NR1H3: variants seen among roughly 807,000 people sequenced by gnomAD.
NR1H3 encodes oxysterols receptor LXR-alpha.
In NR1H3, 19 loss-of-function variants were observed where a neutral mutation model predicts 48.1. The ratio of observed to expected loss-of-function variants is 0.40; its 90% CI spans 0.28 to 0.58. The LOEUF is 0.58. Ranked by LOEUF, NR1H3 falls within the 20% of genes least tolerant of loss-of-function variation. The pLI is 0.50. For synonymous variants in NR1H3, 232 were observed against 227.3 expected (o/e 1.02, Z -0.19); for missense variants, 486 against 595.9 (o/e 0.82, Z 1.92).
intron 8 of NR1H3, 70 bp downstream of exon 8, chr11:47,268,096 C>T (rs1373092700): frequency 1.0e-5 from 7 of 668,942 alleles, no homozygotes; most frequent in Non-Finnish European, 1.0e-5. Context: ...CCACAGGAAT[C>T]GGTGGGGGGA....
intron 3 of NR1H3, among the ~76,000 whole-genome samples, 159 bp downstream of exon 3, chr11:47,260,138 C>G (rs996941383): frequency 6.6e-6 from 1 of 152,206 alleles, no homozygotes; most frequent in Non-Finnish European, 1.5e-5. Context: ...TGAATTTTGT[C>G]TCTAGGCCTT....
rs756564632 is a variant in NR1H3, at chr11:47,261,832, G to C, written c.889-87G>C. ...AGAGCCAAATCTGCTGGGAAGCAGG[G>C]ATGAGGAGAATCGGCCTCCCTGGAA... On this transcript the variant is annotated intron_variant, in intron 6 of 9. Coordinates refer to ENST00000441012, the MANE Select transcript of NR1H3 (RefSeq NM_005693.4). 5.6e-6 allele frequency: 9 copies of C among 1,597,242 alleles called. No homozygotes were observed. The South Asian group carries it at 9.9e-5, about 18-fold the overall frequency.
chr11:47,264,666 T>C (rs563113846), intron 7 of NR1H3, among the ~76,000 whole-genome samples: 1 of 152,334 alleles, frequency 6.6e-6, no homozygotes, highest in African/African-American at 2.4e-5. Flanking sequence ...TGTAGACTCA[T>C]GCTATCTGAA....
upstream of NR1H3, among the ~76,000 whole-genome samples, chr11:47,255,595 T>TTCTTTCTTTCTCTC (rs1565178673): frequency 1.3e-4 from 8 of 61,396 alleles, no homozygotes; most frequent in African/African-American, 4.6e-4. Context: ...CTTTCTTTCT[T>TTCTTTCTTTCTCTC]TCTCTCTCTC....
At chr11:47,252,465 G>A (rs1045605519) in intron 1 of NR1H3, among the ~76,000 whole-genome samples, 1 of 151,606 alleles carries the variant, frequency 6.6e-6, no homozygotes, top group African/African-American at 2.4e-5. Flanking sequence ...CTCCATGTTG[G>A]TCAGGCTGGT....
In NR1H3 at chr11:47,261,578, G is replaced by A. The variant is rs772837732; in HGVS notation, c.740G>A (p.Arg247Gln). 20 of 1,614,202 alleles carry A rather than the reference G, an allele frequency of 1.2e-5. No homozygotes were observed. Among genetic ancestry groups the A allele is most frequent in the African/African-American group, 2.7e-5 (2 of 75,050 alleles). The change falls in exon 6 of 10, where the codon CGG becomes CAG. Residue 247 changes from arginine (R) to glutamine (Q), a missense_variant. Physicochemically the swap from Arg to Gln is conservative, Grantham distance 43 (BLOSUM62 1). Transcript: ENST00000441012. ...CCCATGGCACCAGATCCCCATAGCCGGGAGGCCCGTCAGCAGCGCTTTGCC... is the reference window on the plus strand; with the variant it reads ...CCCATGGCACCAGATCCCCATAGCCAGGAGGCCCGTCAGCAGCGCTTTGCC... ...PWPMAPDPHS[R>Q]EARQQRFAHF... is the part of the protein sequence containing the mutation.
In NR1H3 at chr11:47,249,009, C is replaced by T. The variant is rs920094063; in HGVS notation, c.-93+10C>T. On this transcript the variant is annotated intron_variant, in intron 1 of 8. Coordinates refer to the NR1H3 transcript ENST00000395397. ...GGAGGAGCATAAGAAGGTAACGCGA[C>T]CTGGCGCGGCAGACAGGGCTCGAAG... is the stretch of plus-strand genomic sequence containing the variant. The T allele has an allele frequency of 7.5e-5, 111 of 1,475,284 alleles. No individual in the cohort carries two copies. The African/African-American group carries it at 1.1e-3, about 14-fold the overall frequency. 91.4% of individuals were successfully genotyped at this position (1,475,284 alleles called of 1,614,324 possible).
intron 3 of NR1H3, 33 bp downstream of exon 3, chr11:47,260,012 G>A: frequency 1.4e-6 from 2 of 1,470,800 alleles, no homozygotes; most frequent in Non-Finnish European, 1.8e-6. Context: ...GGAGGTAGGG[G>A]TCCAGATTCC....
chr11:47,268,499 C>A (rs372212614), intron 9 of NR1H3, 51 bp from the exon 10 acceptor site: 1 of 1,612,074 alleles, frequency 6.2e-7, no homozygotes, highest in Admixed American at 1.7e-5. Context: ...ACTCTTGCCC[C>A]GCTTCCCTGG....
chr11:47,266,410 C>T (rs1246372500), intron 7 of NR1H3, among the ~76,000 whole-genome samples: 2 of 151,450 alleles, frequency 1.3e-5, no homozygotes, highest in African/African-American at 4.9e-5. Flanking sequence ...AATCTCGGCT[C>T]ACTGCAACCT....
At chr11:47,268,214 C>T (rs1228150506) in intron 8 of NR1H3, 47 bp from the exon 9 acceptor site, 2 of 1,572,148 alleles carry the variant, frequency 1.3e-6, no homozygotes, top group African/African-American at 2.7e-5. Flanking sequence ...GGGTATGGAA[C>T]TGGACCCTGG....
chr11:47,248,854 C>G (rs1295648320), upstream of NR1H3: 5 of 1,551,668 alleles, frequency 3.2e-6, no homozygotes, highest in South Asian at 1.2e-5. Context: ...AGCAGCCGCC[C>G]GGACGCACCC....
rs768143636 is a variant in NR1H3 at position 47,261,283 on chromosome 11, G to A, written c.542G>A (p.Arg181Gln). The A allele has an allele frequency of 4.3e-6, 7 of 1,613,650 alleles. No individual in the cohort carries two copies. The highest frequency in any genetic ancestry group is 2.2e-5 in the South Asian group (2 of 91,056). The change falls in exon 5 of 10, where the codon CGG (arginine) becomes CAG (glutamine). Residue 181 changes from arginine (R) to glutamine (Q), a missense_variant. Physicochemically the swap from Arg to Gln is conservative, Grantham distance 43. Transcript: ENST00000441012. ...CAGATCCGCCTGAAGAAACTGAAGC[G>A]GCAAGAGGAGGAACAGGCTCATGCC... is the stretch of plus-strand genomic sequence containing the variant. Reference protein sequence around the residue: ...EEQIRLKKLKRQEEEQAHATS... With the variant: ...EEQIRLKKLKQQEEEQAHATS...
upstream of NR1H3, chr11:47,248,740 A>AGGAGCTGGAGGAGAGCCGCCCGGCT: frequency 6.2e-7 from 1 of 1,609,418 alleles, no homozygotes; most frequent in Non-Finnish European, 8.5e-7. Context: ...CACGCCGAGA[A>AGGAGCTGGAGGAGAGCCGCCCGGCT]GGAGCTGGAG....
chr11:47,261,278 G>T lies in NR1H3; in HGVS notation c.537G>T (p.Leu179=), dbSNP rs755748272. Reference sequence around the variant, plus strand: ...AAGAACAGATCCGCCTGAAGAAACTGAAGCGGCAAGAGGAGGAACAGGCTC... The same window carrying T: ...AAGAACAGATCCGCCTGAAGAAACTTAAGCGGCAAGAGGAGGAACAGGCTC... The part of the protein sequence containing the change: ...LSEEQIRLKK[L]KRQEEEQAHA... Residue 179 remains leucine, a synonymous_variant, in exon 5 of 10, where the codon CTG becomes CTT. Transcript: ENST00000441012. The T allele has an allele frequency of 1.2e-6, 2 of 1,612,790 alleles. No individual in the cohort carries two copies. Among genetic ancestry groups the T allele is most frequent in the Non-Finnish European group, 1.7e-6 (2 of 1,179,922 alleles).
intron 7 of NR1H3, among the ~76,000 whole-genome samples, chr11:47,267,090 T>G (rs1047021805): frequency 6.6e-6 from 1 of 152,020 alleles, no homozygotes; most frequent in East Asian, 1.9e-4. Context: ...GTGGATTGCT[T>G]GAGTCCAGGA....
chr11:47,261,165 C>A lies in NR1H3; in HGVS notation c.500-76C>A, dbSNP rs1955811839. On this transcript the variant is annotated intron_variant, in intron 4 of 9. Coordinates refer to ENST00000441012, the MANE Select transcript of NR1H3 (RefSeq NM_005693.4). The stretch of plus-strand genomic sequence containing the variant: ...ACCACCCCCTTTGCCCCATCCTTCC[C>A]TCCTGTCTTTCCCCCACCCCCTTGC... The A allele has an allele frequency of 3.0e-6, 3 of 1,006,578 alleles. No individual in the cohort carries two copies. In the East Asian group the frequency reaches 1.1e-4, roughly 35 times the overall value. The allele number at this position is 1,006,578 out of a possible 1,614,324, so 62.4% of individuals were successfully genotyped here.
At position 47,252,486 on chromosome 11, in the gene NR1H3, C is replaced by T. The variant is rs538693746; in HGVS notation, c.-93+3487C>T. 1.8e-3 allele frequency among the ~76,000 whole-genome samples: 278 copies of T among 151,904 alleles called. 1 individual carries two copies. Among genetic ancestry groups the T allele is most frequent in the Non-Finnish European group, 8.2e-4 (56 of 67,970 alleles). ...GTTGGTCAGGCTGGTCTCGAACTCC[C>T]GACCTCAGGTGATCTGCCCATTTTG... On this transcript the variant is annotated intron_variant, in intron 1 of 8. Transcript: ENST00000395397.
upstream of NR1H3, among the ~76,000 whole-genome samples, chr11:47,255,653 T>TTC (rs1333432363): frequency 7.0e-5 from 9 of 128,156 alleles, no homozygotes; most frequent in Middle Eastern, 0.012. Context: ...TTCTTTCTCT[T>TTC]TCTCTCTCTC....
Sources: allele counts gnomAD v4.1 joint callset (sites outside exome capture counted in the v4.1 genomes callset), GRCh38; gene constraint gnomAD v4.1.1; transcripts MANE v1.5; gene names NCBI Gene and HGNC (gene_info 2026-07-23, HGNC 2026-07-21).